Variants in TMEM59 observed in about 807,000 individuals in gnomAD.
TMEM59 encodes the protein dendritic cell factor 1.
A neutral mutation model predicts 42.2 loss-of-function variants in TMEM59; 44 were observed. The ratio of observed to expected loss-of-function variants is 1.04; its 90% confidence interval spans 0.82 to 1.34. The LOEUF is 1.34. Among genes scored for constraint, TMEM59 ranks in the 40% most tolerant of loss-of-function variants. The pLI is 0.00. For missense variants in TMEM59, 359 were observed against 382.8 expected, an observed-to-expected ratio of 0.94 and a Z score of 0.52; for synonymous variants, 148 against 145.8, an observed-to-expected ratio of 1.02 and a Z score of -0.11.
At chr1:54,045,157 T>C (rs1657286636) in intron 3 of TMEM59, among the ~76,000 whole-genome samples, 1 of 152,156 alleles carries the variant, frequency 6.6e-6, no homozygotes, top group Non-Finnish European at 1.5e-5. Flanking sequence ...AGGAGTAGGT[T>C]GTGATAAACA....
rs1354827864 is a variant in TMEM59, at chr1:54,027,308, T to C, written c.*4842A>G. The C allele has an allele frequency of 1.3e-5, 2 of 152,262 alleles. No homozygotes were observed. The highest frequency in any genetic ancestry group is 2.9e-5 in the Non-Finnish European group (2 of 68,050). 9.4% of individuals were successfully genotyped at this position (152,262 alleles called of 1,614,324 possible). On this transcript the variant is annotated 3_prime_UTR_variant, in exon 8 of 8. Coordinates refer to ENST00000234831, the MANE Select transcript of TMEM59 (RefSeq NM_004872.5). ...CATAAAACTTTGAAAATATCAACTT[T>C]ATTTTAACATGATCAGTTTCCTTTG... is the stretch of plus-strand genomic sequence containing the variant.
chr1:54,038,641 C>A (rs1400637658), intron 6 of TMEM59, among the ~76,000 whole-genome samples: 2 of 152,138 alleles, frequency 1.3e-5, no homozygotes, highest in African/African-American at 4.8e-5. Flanking sequence ...AAAATCATGA[C>A]ACTTTAGGAA....
At chr1:54,035,786 T>C (rs555766934) in intron 7 of TMEM59, among the ~76,000 whole-genome samples, 25 of 152,170 alleles carry the variant, frequency 1.6e-4, no homozygotes, top group African/African-American at 5.8e-4. Context: ...ATAATTTTTA[T>C]AATTTTTCAT....
intron 7 of TMEM59, chr1:54,034,205 T>C (rs1370491402): frequency 6.6e-6 from 1 of 151,220 alleles, no homozygotes; most frequent in African/African-American, 2.4e-5. Context: ...AAGAGGCCAG[T>C]CACAAGAGAC....
intron 7 of TMEM59, chr1:54,033,115 C>CTT: frequency 1.4e-5 from 2 of 142,644 alleles, no homozygotes; most frequent in Non-Finnish European, 3.0e-5. Context: ...TTCTTTCTTT[C>CTT]TTTTTTTTTT....
chr1:54,028,625 G>T lies in TMEM59; in HGVS notation c.*3525C>A, dbSNP rs1215070051. On this transcript the variant is annotated 3_prime_UTR_variant, in exon 8 of 8. Transcript: ENST00000234831. ...TTGAGCACAGTGTCCCCACTGTCTG[G>T]TACACTGCTCTCTATATTGTGTTTG... 6.6e-6 allele frequency: 1 copy of T among 152,192 alleles called. No homozygotes were observed. The highest frequency in any genetic ancestry group is 1.9e-4 in the East Asian group (1 of 5,194). The allele number at this position is 152,192 out of a possible 1,614,324, so 9.4% of individuals were successfully genotyped here. A position where few individuals can be genotyped will look rare whatever the true frequency, so the allele number is the denominator to read the frequency against.
intron 3 of TMEM59, 156 bp from the exon 4 acceptor site, chr1:54,043,681 A>G: frequency 2.6e-6 from 1 of 382,208 alleles, no homozygotes; most frequent in Non-Finnish European, 4.1e-6. Context: ...ACTCTTAGTT[A>G]TCTATGCACA....
rs1200856429 is a variant in TMEM59, at chr1:54,028,375, G to C, written c.*3775C>G. On this transcript the variant is annotated 3_prime_UTR_variant, in exon 8 of 8. Coordinates refer to ENST00000234831, the MANE Select transcript of TMEM59 (RefSeq NM_004872.5). The stretch of plus-strand genomic sequence containing the variant: ...GTTGGCCTCTGGACTTGCCCTTTCT[G>C]GTCTATCTTCCACATTGCTGTCCGA... The C allele has an allele frequency of 6.6e-6, 1 of 152,174 alleles. No individual in the cohort carries two copies. Among genetic ancestry groups the C allele is most frequent in the African/African-American group, 2.4e-5 (1 of 41,434 alleles). The allele number at this position is 152,174 out of a possible 1,614,324, so 9.4% of individuals were successfully genotyped here.
chr1:54,052,899 G>A, intron 1 of TMEM59, 101 bp downstream of exon 1: 1 of 1,327,856 alleles, frequency 7.5e-7, no homozygotes, highest in East Asian at 2.3e-5. Context: ...AGCGATTGAA[G>A]GGCCGATTTA....
chr1:54,049,368 T>C (rs10888832), intron 1 of TMEM59, among the ~76,000 whole-genome samples: 13,843 of 152,274 alleles, frequency 0.091, 1,451 homozygotes, highest in African/African-American at 0.26. Context: ...ATTACTACTA[T>C]GTAGTACTAT....
chr1:54,051,512 G>T (rs1287014772), intron 1 of TMEM59, among the ~76,000 whole-genome samples: 1 of 152,166 alleles, frequency 6.6e-6, no homozygotes, highest in Middle Eastern at 3.2e-3. Context: ...CATTATTAAA[G>T]TACCTACAAC....
intron 1 of TMEM59, 60 bp downstream of exon 1, chr1:54,052,940 T>C: frequency 6.4e-7 from 1 of 1,553,616 alleles, no homozygotes; most frequent in Non-Finnish European, 8.7e-7. Context: ...GACATACGTG[T>C]GGGGAGCCGA....
Position 54,027,374 on chromosome 1 carries a change from A to G in TMEM59, c.*4776T>C, listed in dbSNP as rs566039489. 4 of 152,276 alleles carry G rather than the reference A, an allele frequency of 2.6e-5. No homozygotes were observed. In the South Asian group the frequency reaches 8.3e-4, roughly 32 times the overall value. The allele number at this position is 152,276 out of a possible 1,614,324, so 9.4% of individuals were successfully genotyped here. On this transcript the variant is annotated 3_prime_UTR_variant, in exon 8 of 8. Transcript: ENST00000234831. ...AGTTTTATGCTTTGAAAACATTACTATGAGAGGGGGTCCACAGGCTTCACT... is the reference window on the plus strand; with the variant it reads ...AGTTTTATGCTTTGAAAACATTACTGTGAGAGGGGGTCCACAGGCTTCACT...
chr1:54,043,133 A>G (rs1010713740), intron 4 of TMEM59, among the ~76,000 whole-genome samples: 16 of 152,198 alleles, frequency 1.1e-4, no homozygotes, highest in Admixed American at 6.5e-5. Flanking sequence ...TAAAATTTAA[A>G]AGACTCAAGA....
chr1:54,045,290 T>G (rs566941646), intron 3 of TMEM59, among the ~76,000 whole-genome samples: 47 of 152,178 alleles, frequency 3.1e-4, no homozygotes, highest in Non-Finnish European at 5.1e-4. Context: ...AGGGTTAAAT[T>G]AGAAAAACAG....
intron 7 of TMEM59, among the ~76,000 whole-genome samples, chr1:54,035,991 G>A (rs1318712274): frequency 1.3e-5 from 2 of 152,130 alleles, no homozygotes; most frequent in East Asian, 1.9e-4. Flanking sequence ...GGTTCTACAA[G>A]TCTTCTCTCT....
At chr1:54,035,387 A>T (rs1278834187) in intron 7 of TMEM59, among the ~76,000 whole-genome samples, 1 of 152,214 alleles carries the variant, frequency 6.6e-6, no homozygotes, top group Non-Finnish European at 1.5e-5. Flanking sequence ...TTAGATGTTG[A>T]CAGCCATTAT....
upstream of TMEM59, chr1:54,053,253 C>T (rs1657643907): frequency 1.8e-5 from 28 of 1,573,892 alleles, no homozygotes; most frequent in South Asian, 2.9e-4. Context: ...TCCTCCTCCT[C>T]CTGGGGCCAG....
chr1:54,041,777 T>A lies in TMEM59; in HGVS notation c.572A>T (p.His191Leu). Residue 191 changes from histidine to leucine, a missense_variant, in exon 5 of 8, where the codon CAT becomes CTT. By Grantham distance (99) the His-to-Leu change is moderately conservative (BLOSUM62 -3). Transcript: ENST00000234831. ...CAAATTTGTAGGCTCCTGCTCCAAA[T>A]GTGGTGCGTACTGGATTTCTGGCTT... ...QSKPEIQYAP[H>L]LEQEPTNLRE... 1.2e-6 allele frequency: 2 copies of A among 1,613,688 alleles called. No individual in the cohort carries two copies. The highest frequency in any genetic ancestry group is 1.7e-6 in the Non-Finnish European group (2 of 1,179,726).
Sources: allele counts gnomAD v4.1 joint callset (sites outside exome capture counted in the v4.1 genomes callset), GRCh38; gene constraint gnomAD v4.1.1; transcripts MANE v1.5; gene names NCBI Gene and HGNC (gene_info 2026-07-23, HGNC 2026-07-21).